The following TMEM200A variants were observed in gnomAD, a reference collection of about 807,000 sequenced individuals.
TMEM200A encodes two transmembrane C.
Under a neutral mutation model 24.3 loss-of-function variants are expected in TMEM200A, and 12 were observed. The ratio of observed to expected loss-of-function variants is 0.49; its 90% confidence interval spans 0.32 to 0.80. The LOEUF is 0.80. Among genes scored for constraint, TMEM200A ranks in the 30% least tolerant of loss-of-function variants. The pLI is 0.04. For synonymous variants in TMEM200A, 224 were observed against 224.4 expected (o/e 1.00, Z 0.02); for missense variants, 545 against 614.4 (o/e 0.89, Z 1.19).
chr6:130,374,182 G>C (rs755832070), intron 1 of TMEM200A, among the ~76,000 whole-genome samples: 2 of 152,134 alleles, frequency 1.3e-5, no homozygotes. Context: ...TGTAGGATGA[G>C]AGCCCCTTTT....
chr6:130,436,630 CCTTTTTTTTTTTTTTTTTTTT>C (rs1194624525), intron 2 of TMEM200A, among the ~76,000 whole-genome samples: 1 of 66,728 alleles, frequency 1.5e-5, no homozygotes, highest in African/African-American at 3.8e-5. Flanking sequence ...TTTTCTTTAT[CCTTTTTTTTTTTTTTTTTTTT>C]TTTTTTTTTT....
intron 1 of TMEM200A, among the ~76,000 whole-genome samples, 160 bp from the exon 2 acceptor site, chr6:130,385,013 T>C (rs139419561): frequency 3.3e-4 from 50 of 152,346 alleles, no homozygotes; most frequent in African/African-American, 1.2e-3. Context: ...GACCATTCAG[T>C]CATTTCTAAT....
chr6:130,426,626 A>G (rs1779751608), intron 2 of TMEM200A, among the ~76,000 whole-genome samples: 1 of 152,128 alleles, frequency 6.6e-6, no homozygotes, highest in South Asian at 2.1e-4. Context: ...AGCAAAGATC[A>G]CTGATGAGTT....
chr6:130,381,074 T>C (rs1778584692), intron 1 of TMEM200A, among the ~76,000 whole-genome samples: 1 of 152,254 alleles, frequency 6.6e-6, no homozygotes, highest in Admixed American at 6.5e-5. Context: ...TATAGTACTC[T>C]CTTAAGTTAT....
At chr6:130,423,473 C>T (rs757470811) in intron 2 of TMEM200A, among the ~76,000 whole-genome samples, 5 of 151,976 alleles carry the variant, frequency 3.3e-5, no homozygotes, top group Admixed American at 3.3e-4. Context: ...GTTGGAAAAT[C>T]GTTGCTTTAA....
At chr6:130,410,621 C>A (rs1473422753) in intron 2 of TMEM200A, among the ~76,000 whole-genome samples, 1 of 152,146 alleles carries the variant, frequency 6.6e-6, no homozygotes, top group Non-Finnish European at 1.5e-5. Flanking sequence ...GTCATTGCTC[C>A]TGTTGAGTGT....
rs533221044 is a variant in TMEM200A at position 130,441,489 on chromosome 6, C to T, written c.1067C>T (p.Ser356Leu). Residue 356 changes from serine (S) to leucine (L), a missense_variant, in exon 3 of 3, where the codon TCG becomes TTG. Physicochemically the swap from Ser to Leu is moderately radical, Grantham distance 145 (BLOSUM62 -2). Coordinates refer to ENST00000296978, the MANE Select transcript of TMEM200A (RefSeq NM_001258277.2). ...AATAATTCCATTGGGGAGTCGTTGT[C>T]GAGTCAGTACAAGTCATCTATGGCT... ...PRNNSIGESL[S>L]SQYKSSMALG... 1.4e-5 allele frequency: 23 copies of T among 1,613,962 alleles called. No individual in the cohort carries two copies. The highest frequency in any genetic ancestry group is 8.8e-5 in the South Asian group (8 of 91,066).
At chr6:130,377,050 A>G (rs1221787529) in intron 1 of TMEM200A, among the ~76,000 whole-genome samples, 1 of 152,250 alleles carries the variant, frequency 6.6e-6, no homozygotes, top group Non-Finnish European at 1.5e-5. Flanking sequence ...TCAGACATTT[A>G]TTGACACATA....
intron 2 of TMEM200A, among the ~76,000 whole-genome samples, chr6:130,399,619 T>C (rs770416300): frequency 3.0e-5 from 4 of 132,324 alleles, no homozygotes; most frequent in Admixed American, 7.2e-5. Context: ...TTTCTACTTA[T>C]GTTTTCTATT....
intron 1 of TMEM200A, among the ~76,000 whole-genome samples, chr6:130,371,255 AG>A: frequency 6.6e-6 from 1 of 152,266 alleles, no homozygotes; most frequent in East Asian, 1.9e-4. Context: ...CATGAGTCCT[AG>A]GGGCATGTAT....
At chr6:130,405,880 C>G (rs1583202740) in intron 2 of TMEM200A, among the ~76,000 whole-genome samples, 1 of 152,254 alleles carries the variant, frequency 6.6e-6, no homozygotes. Context: ...TGGCAGGTTG[C>G]TTCTTCATGT....
At chr6:130,394,447 T>G (rs1341994621) in intron 2 of TMEM200A, among the ~76,000 whole-genome samples, 2 of 152,088 alleles carry the variant, frequency 1.3e-5, no homozygotes, top group African/African-American at 2.4e-5. Context: ...CTTTCTTCTC[T>G]CCCCACGCTG....
At chr6:130,418,612 T>A (rs565944996) in intron 2 of TMEM200A, among the ~76,000 whole-genome samples, 11 of 152,234 alleles carry the variant, frequency 7.2e-5, no homozygotes, top group African/African-American at 2.2e-4. Flanking sequence ...GGAGTTGAGA[T>A]GAGAACTTTT....
At chr6:130,378,195 C>T (rs1221096236) in intron 1 of TMEM200A, among the ~76,000 whole-genome samples, 1 of 152,030 alleles carries the variant, frequency 6.6e-6, no homozygotes, top group African/African-American at 2.4e-5. Flanking sequence ...AGGAGGCTAA[C>T]CTTTATCAAT....
chr6:130,438,942 A>G (rs1188672115), intron 2 of TMEM200A: 4 of 152,258 alleles, frequency 2.6e-5, no homozygotes, highest in Non-Finnish European at 5.9e-5. Context: ...AGAACAGGGC[A>G]GGGCAGTGGG....
At chr6:130,410,856 C>A (rs373403112) in intron 2 of TMEM200A, among the ~76,000 whole-genome samples, 3 of 152,174 alleles carry the variant, frequency 2.0e-5, no homozygotes, top group South Asian at 4.1e-4. Flanking sequence ...AGGGAGACTG[C>A]AATGCCTTTA....
intron 2 of TMEM200A, among the ~76,000 whole-genome samples, chr6:130,418,982 C>A (rs936479083): frequency 1.3e-5 from 2 of 152,006 alleles, no homozygotes; most frequent in African/African-American, 4.8e-5. Context: ...CTATAGCTGC[C>A]CTACTCTGCT....
chr6:130,436,787 C>T (rs1780031179), intron 2 of TMEM200A, among the ~76,000 whole-genome samples: 1 of 151,862 alleles, frequency 6.6e-6, no homozygotes, highest in South Asian at 2.1e-4. Context: ...ACTGAGACTA[C>T]AGGCATCTGC....
intron 2 of TMEM200A, among the ~76,000 whole-genome samples, chr6:130,386,136 A>G (rs1370250082): frequency 6.6e-6 from 1 of 152,186 alleles, no homozygotes; most frequent in Non-Finnish European, 1.5e-5. Flanking sequence ...TTTGGCTTTC[A>G]TTCTCTGAGT....
Sources: allele counts gnomAD v4.1 joint callset (sites outside exome capture counted in the v4.1 genomes callset), GRCh38; gene constraint gnomAD v4.1.1; transcripts MANE v1.5; gene names NCBI Gene and HGNC (gene_info 2026-07-23, HGNC 2026-07-21).